MBD2: variants seen among roughly 807,000 people sequenced by gnomAD.
MBD2 encodes methyl-CpG binding domain protein 2, also known as methyl-CpG-binding domain protein 2.
In MBD2, 9 loss-of-function variants were observed where a neutral mutation model predicts 39.3. The ratio of observed to expected loss-of-function variants is 0.23; its 90% CI spans 0.14 to 0.40. The LOEUF is 0.40. Ranked by LOEUF, MBD2 falls within the 10% of genes least tolerant of loss-of-function variation. The probability of loss-of-function intolerance (pLI) is 1.00; values close to 1 mark genes in which losing one functional copy is unlikely to be tolerated. For synonymous variants in MBD2, 233 were observed against 211.1 expected (o/e 1.10, Z -0.90); for missense variants, 458 against 532.6 (o/e 0.86, Z 1.38).
At chr18:54,200,689 T>TGA (rs1340512254) in intron 2 of MBD2, among the ~76,000 whole-genome samples, 2,622 of 152,124 alleles carry the variant, frequency 0.017, 78 homozygotes, top group African/African-American at 0.06. Flanking sequence ...ATTTGCATAT[T>TGA]GAGGCGCAAA....
intron 2 of MBD2, 76 bp from the exon 3 acceptor site, chr18:54,189,087 C>A: frequency 1.0e-6 from 1 of 956,446 alleles, no homozygotes; most frequent in Non-Finnish European, 1.5e-6. Flanking sequence ...AATTCAATAT[C>A]TATTACTTTA....
intron 1 of MBD2, among the ~76,000 whole-genome samples, chr18:54,218,970 A>G (rs1315734818): frequency 6.6e-6 from 1 of 152,078 alleles, no homozygotes; most frequent in Non-Finnish European, 1.5e-5. Context: ...TCAAAAAAAA[A>G]AAAAAAAATC....
intron 3 of MBD2, among the ~76,000 whole-genome samples, chr18:54,179,955 C>A (rs901661967): frequency 3.8e-5 from 1 of 26,264 alleles, no homozygotes; most frequent in Admixed American, 3.0e-4. Flanking sequence ...AAGAAAAACT[C>A]TCATTGACAG....
intron 6 of MBD2, among the ~76,000 whole-genome samples, chr18:54,156,738 A>G (rs1250482518): frequency 6.6e-6 from 1 of 152,112 alleles, no homozygotes; most frequent in East Asian, 1.9e-4. Flanking sequence ...CTGTAATTCC[A>G]GCTACTTGGG....
chr18:54,204,876 G>C (rs894619601), intron 2 of MBD2, 122 bp downstream of exon 2: 1 of 835,536 alleles, frequency 1.2e-6, no homozygotes, highest in Non-Finnish European at 1.9e-6. Flanking sequence ...AGGGTGGGCA[G>C]GGTATGGGGA....
intron 5 of MBD2, among the ~76,000 whole-genome samples, chr18:54,163,175 G>A (rs1018894847): frequency 5.3e-5 from 8 of 152,294 alleles, no homozygotes; most frequent in Non-Finnish European, 1.5e-5. Flanking sequence ...GGGCGGCTGA[G>A]GCAGGAGAAT....
In MBD2 at chr18:54,224,122, GCT is replaced by G; in HGVS notation, c.436_437del (p.Ser146ArgfsTer39). 6.4e-7 allele frequency: 1 copy of G among 1,561,658 alleles called. No homozygotes were observed. Among genetic ancestry groups the G allele is most frequent in the Non-Finnish European group, 8.6e-7 (1 of 1,159,688 alleles). ...PGPRGPRATESGKRMDCPALP... is the reference protein window; with the variant it reads ...PGPRGPRATEXGKRMDCPALP... ...GGGCCGGGCAATCCATCCTCTTCCC[GCT>G]CTCCGTGGCCCGGGGTCCCCTGGGC... On this transcript the variant is annotated frameshift_variant, in exon 1 of 7. Coordinates refer to ENST00000256429, the MANE Select transcript of MBD2 (RefSeq NM_003927.5). LOFTEE classifies it high-confidence loss of function.
In MBD2 at chr18:54,180,744, G is replaced by A. The variant is rs900091864; in HGVS notation, c.840+8130C>T. On this transcript the variant is annotated intron_variant, in intron 3 of 6. Transcript: ENST00000256429. ...GAAGTAGTTTTTAAAAACACTATTCGATTTTTTCATCTGTATTCCTATGTT... is the reference window on the plus strand; with the variant it reads ...GAAGTAGTTTTTAAAAACACTATTCAATTTTTTCATCTGTATTCCTATGTT... Among the ~76,000 whole-genome samples the A allele has an allele frequency of 3.3e-5, 5 of 152,018 alleles. No homozygotes were observed. In the East Asian group the frequency reaches 7.7e-4, roughly 23 times the overall value.
At chr18:54,186,473 A>C (rs186941796) in intron 3 of MBD2, among the ~76,000 whole-genome samples, 1 of 152,274 alleles carries the variant, frequency 6.6e-6, no homozygotes, top group Admixed American at 6.5e-5. Context: ...TGTATATCAA[A>C]ATAGAATTAA....
At chr18:54,171,764 C>A (rs889807962) in intron 3 of MBD2, among the ~76,000 whole-genome samples, 3 of 152,202 alleles carry the variant, frequency 2.0e-5, no homozygotes, top group African/African-American at 7.2e-5. Flanking sequence ...GTGCTAAGCA[C>A]CTTCTGTACA....
chr18:54,180,903 C>CTTTTTTTTTTTTT (rs1189903798), intron 3 of MBD2, among the ~76,000 whole-genome samples: 11 of 49,876 alleles, frequency 2.2e-4, no homozygotes, highest in Non-Finnish European at 3.0e-4. Context: ...TTTTCTTTTT[C>CTTTTTTTTTTTTT]TTTTTTTTTT....
intron 1 of MBD2, among the ~76,000 whole-genome samples, chr18:54,219,110 C>G (rs1232905670): frequency 6.6e-6 from 1 of 152,190 alleles, no homozygotes; most frequent in Non-Finnish European, 1.5e-5. Context: ...CGATGTTACA[C>G]AGTCGATGAA....
intron 3 of MBD2, among the ~76,000 whole-genome samples, chr18:54,184,064 T>C (rs1242843109): frequency 6.6e-6 from 1 of 152,182 alleles, no homozygotes; most frequent in African/African-American, 2.4e-5. Context: ...TATTTAACTT[T>C]ATACATATTG....
chr18:54,224,053 C>A lies in MBD2; in HGVS notation c.507G>T (p.Gly169=). The change falls in exon 1 of 7, where the codon GGG becomes GGT. Residue 169 remains glycine, a synonymous_variant. Transcript: ENST00000256429. The stretch of plus-strand genomic sequence containing the variant: ...AGACATCGCTCTTGCCAGCACTTAG[C>A]CCAGATTTTCGGATCACTTCCTCCT... The part of the protein sequence containing the change: ...WKKEEVIRKS[G]LSAGKSDVYY... 1 of 1,605,718 alleles carries A rather than the reference C, an allele frequency of 6.2e-7. No individual in the cohort carries two copies. The highest frequency in any genetic ancestry group is 1.1e-5 in the South Asian group (1 of 90,906).
chr18:54,219,862 G>C (rs1311212609), intron 1 of MBD2, among the ~76,000 whole-genome samples: 1 of 152,162 alleles, frequency 6.6e-6, no homozygotes, highest in Admixed American at 6.5e-5. Context: ...GTGCAGTGGC[G>C]TGATCTCAGC....
intron 3 of MBD2, among the ~76,000 whole-genome samples, chr18:54,184,567 T>G (rs1568084490): frequency 6.6e-6 from 1 of 152,216 alleles, no homozygotes; most frequent in African/African-American, 2.4e-5. Flanking sequence ...GGTACAACCC[T>G]TTGGAATCAA....
At position 54,224,154 on chromosome 18, in the gene MBD2, G is replaced by A. The variant is rs1202139329; in HGVS notation, c.406C>T (p.Pro136Ser). 9 of 1,459,416 alleles carry A rather than the reference G, an allele frequency of 6.2e-6. No individual in the cohort carries two copies. The Admixed American group carries it at 1.3e-4, about 21-fold the overall frequency. 90.4% of individuals were successfully genotyped at this position (1,459,416 alleles called of 1,614,324 possible). A position where few individuals can be genotyped will look rare whatever the true frequency, so the allele number is the denominator to read the frequency against. Reference protein sequence around the residue: ...PVPFPSGSAGPGPRGPRATES... With the variant: ...PVPFPSGSAGSGPRGPRATES... The stretch of plus-strand genomic sequence containing the variant: ...GTGGCCCGGGGTCCCCTGGGCCCCG[G>A]CCCCGCGCTCCCCGACGGGAAAGGG... Residue 136 changes from proline (P) to serine (S), a missense_variant, in exon 1 of 7, where the codon CCG becomes TCG. Pro to Ser is a moderately conservative substitution (Grantham distance 74). Coordinates refer to ENST00000256429, the MANE Select transcript of MBD2 (RefSeq NM_003927.5).
chr18:54,168,589 A>G (rs1393807759), intron 3 of MBD2, among the ~76,000 whole-genome samples: 1 of 108,794 alleles, frequency 9.2e-6, no homozygotes, highest in Non-Finnish European at 1.9e-5. Flanking sequence ...ATATATATAT[A>G]TATATATATT....
rs547161650 is a variant in MBD2 at position 54,153,025 on chromosome 18, T to C, written c.*2299A>G. On this transcript the variant is annotated 3_prime_UTR_variant, in exon 7 of 7. Transcript: ENST00000256429. Reference sequence around the variant, plus strand: ...CAGTCACATTTGCCTGTTTTGATGATCTTTCTGATGACTATGTGGAGGGAT... The same window carrying C: ...CAGTCACATTTGCCTGTTTTGATGACCTTTCTGATGACTATGTGGAGGGAT... 1 of 152,168 alleles carries C rather than the reference T, an allele frequency of 6.6e-6. No homozygotes were observed. Among genetic ancestry groups the C allele is most frequent in the Non-Finnish European group, 1.5e-5 (1 of 68,028 alleles). The allele number at this position is 152,168 out of a possible 1,614,324, so 9.4% of individuals were successfully genotyped here.
Sources: gnomAD v4.1 joint callset for allele counts (sites outside exome capture counted in the v4.1 genomes callset) on GRCh38, gnomAD v4.1.1 for gene constraint, MANE v1.5 for transcripts, NCBI Gene and HGNC (gene_info 2026-07-23, HGNC 2026-07-21) for gene names.